ADAM22: variants seen among roughly 807,000 people sequenced by gnomAD.
The protein encoded by ADAM22 is disintegrin and metalloproteinase domain-containing protein 22.
ADAM22 carries 65 observed loss-of-function variants against 144.6 expected under a neutral mutation model. The ratio of observed to expected loss-of-function variants is 0.45; its 90% CI spans 0.37 to 0.55. ADAM22 has a LOEUF of 0.55. ADAM22 is among the 20% of genes least tolerant of loss of function. The pLI is 0.00. For synonymous variants in ADAM22, 391 were observed against 412.6 expected, an observed-to-expected ratio of 0.95 and a Z score of 0.63; for missense variants, 974 against 1,184.9, an observed-to-expected ratio of 0.82 and a Z score of 2.61.
chr7:88,142,649 T>A (rs535661178), intron 14 of ADAM22, among the ~76,000 whole-genome samples: 1 of 151,948 alleles, frequency 6.6e-6, no homozygotes, highest in East Asian at 1.9e-4. Flanking sequence ...CCATCCTGGC[T>A]AACACGATGA....
chr7:88,189,959 A>G (rs1849246375), intron 30 of ADAM22, among the ~76,000 whole-genome samples: 1 of 152,014 alleles, frequency 6.6e-6, no homozygotes, highest in Non-Finnish European at 1.5e-5. Context: ...ATAAATAAAA[A>G]TAAAATAACA....
intron 2 of ADAM22, among the ~76,000 whole-genome samples, chr7:87,939,219 C>G (rs1841980652): frequency 6.6e-6 from 1 of 151,972 alleles, no homozygotes; most frequent in African/African-American, 2.4e-5. Flanking sequence ...TTTGGAATTG[C>G]TGCATTAAAA....
chr7:87,982,044 C>CATATATAT (rs57982467), intron 3 of ADAM22, among the ~76,000 whole-genome samples: 1 of 113,176 alleles, frequency 8.8e-6, no homozygotes, highest in Admixed American at 1.0e-4. Context: ...ATGTTTATTT[C>CATATATAT]ATATATATAT....
intron 4 of ADAM22, among the ~76,000 whole-genome samples, chr7:88,101,274 G>T (rs984680251): frequency 7.2e-5 from 11 of 152,092 alleles, no homozygotes; most frequent in Admixed American, 1.3e-4. Flanking sequence ...GTGGAAGAGG[G>T]TGACTGGCAT....
At chr7:88,165,479 C>T (rs1345048348) in intron 23 of ADAM22, among the ~76,000 whole-genome samples, 3 of 151,960 alleles carry the variant, frequency 2.0e-5, no homozygotes, top group East Asian at 1.9e-4. Flanking sequence ...GGAAGGAAAC[C>T]TTTGTATTAG....
chr7:88,133,286 C>T (rs1045966262), intron 12 of ADAM22, among the ~76,000 whole-genome samples: 1 of 151,684 alleles, frequency 6.6e-6, no homozygotes, highest in African/African-American at 2.4e-5. Flanking sequence ...TGGCTTAAGC[C>T]TGGGAGGCAG....
intron 3 of ADAM22, among the ~76,000 whole-genome samples, chr7:88,053,910 C>A (rs1807398019): frequency 6.6e-6 from 1 of 152,146 alleles, no homozygotes; most frequent in African/African-American, 2.4e-5. Context: ...GCGGGCAGAT[C>A]ACCTGAGGTC....
Position 88,181,485 on chromosome 7 carries a change from A to G in ADAM22, c.2496-20A>G, listed in dbSNP as rs754322842. On this transcript the variant is annotated intron_variant, in intron 27 of 31. Transcript: ENST00000413139. ...ATTTGGTTACATTTTTGAACAATTT[A>G]TCAATATTTTCAATTTCAGGTCAAA... 6.2e-7 allele frequency: 1 copy of G among 1,601,844 alleles called. No homozygotes were observed. The highest frequency in any genetic ancestry group is 1.7e-5 in the Admixed American group (1 of 59,882).
At chr7:88,142,926 T>C in intron 14 of ADAM22, 100 bp from the exon 15 acceptor site, 1 of 673,608 alleles carries the variant, frequency 1.5e-6, no homozygotes, top group Non-Finnish European at 2.6e-6. Flanking sequence ...TATTCCCTCA[T>C]TTTAAAGAGT....
At chr7:88,183,295 G>T (rs992386331) in intron 29 of ADAM22, among the ~76,000 whole-genome samples, 1 of 152,160 alleles carries the variant, frequency 6.6e-6, no homozygotes, top group African/African-American at 2.4e-5. Flanking sequence ...AGGTCACCTA[G>T]TAAGAGCTCC....
intron 2 of ADAM22, among the ~76,000 whole-genome samples, chr7:87,958,819 C>T (rs1170668652): frequency 6.6e-6 from 1 of 152,090 alleles, no homozygotes; most frequent in Non-Finnish European, 1.5e-5. Flanking sequence ...ATTATGCGTT[C>T]CCCATTTTTC....
At chr7:88,157,991 C>T (rs1840458818) in intron 22 of ADAM22, among the ~76,000 whole-genome samples, 1 of 152,056 alleles carries the variant, frequency 6.6e-6, no homozygotes, top group Admixed American at 6.6e-5. Context: ...CCAAGGTGTG[C>T]TGTCTTCAAG....
chr7:87,952,148 A>G (rs901192417), intron 2 of ADAM22, among the ~76,000 whole-genome samples: 9 of 151,972 alleles, frequency 5.9e-5, no homozygotes, highest in South Asian at 2.1e-4. Context: ...TCTTCTGCCT[A>G]ATTGCCCTGG....
intron 3 of ADAM22, among the ~76,000 whole-genome samples, chr7:87,988,581 G>C (rs574819030): frequency 4.6e-5 from 7 of 152,292 alleles, no homozygotes; most frequent in African/African-American, 1.7e-4. Flanking sequence ...TCATATTTGC[G>C]TATTTTATTT....
At chr7:88,033,017 T>C (rs1800668563) in intron 3 of ADAM22, among the ~76,000 whole-genome samples, 1 of 152,042 alleles carries the variant, frequency 6.6e-6, no homozygotes, top group South Asian at 2.1e-4. Context: ...TCTCAGGTAG[T>C]TCTTTATAGC....
At chr7:87,964,749 T>G (rs927513612) in intron 2 of ADAM22, 5 of 346,828 alleles carry the variant, frequency 1.4e-5, no homozygotes, top group Non-Finnish European at 2.2e-5. Context: ...AAACATGAAT[T>G]GTGGATGGAT....
intron 22 of ADAM22, among the ~76,000 whole-genome samples, chr7:88,159,594 G>C (rs1418070711): frequency 6.6e-6 from 1 of 152,056 alleles, no homozygotes; most frequent in African/African-American, 2.4e-5. Flanking sequence ...TTCCAAGTTT[G>C]GTTCAACATA....
rs1793129246 is a variant in ADAM22 at position 88,003,730 on chromosome 7, C to T, written c.323+25318C>T. On this transcript the variant is annotated intron_variant, in intron 3 of 31. Transcript: ENST00000413139. ...TCAGAAACCTTAAAAAAACTTGTCA[C>T]TGTTGAATGGCAACTGGTATTTCTT... 2.0e-5 allele frequency among the ~76,000 whole-genome samples: 3 copies of T among 152,330 alleles called. No individual in the cohort carries two copies. In the South Asian group the frequency reaches 6.2e-4, roughly 32 times the overall value.
chr7:87,961,003 A>T (rs555192637), intron 2 of ADAM22, among the ~76,000 whole-genome samples: 9 of 152,338 alleles, frequency 5.9e-5, no homozygotes, highest in African/African-American at 2.2e-4. Context: ...ATAGTAAATG[A>T]TGCAGTAATA....
Sources: allele counts gnomAD v4.1 joint callset (sites outside exome capture counted in the v4.1 genomes callset), GRCh38; gene constraint gnomAD v4.1.1; transcripts MANE v1.5; gene names NCBI Gene and HGNC (gene_info 2026-07-23, HGNC 2026-07-21).